Variants in IRF1 observed in about 807,000 individuals in gnomAD.
The protein encoded by IRF1 is interferon regulatory factor-1.
In IRF1, 13 loss-of-function variants were observed where a neutral mutation model predicts 43.7. The observed-to-expected ratio is 0.30, with a 90% CI of 0.19 to 0.47. The LOEUF (loss-of-function observed/expected upper bound fraction) is 0.47, where lower values mean the gene tolerates loss of function less well. Among genes scored for constraint, IRF1 ranks in the 20% least tolerant of loss-of-function variants. The pLI, the probability that IRF1 is intolerant of heterozygous loss-of-function variation, is 0.99. For synonymous variants in IRF1, 138 were observed against 146.8 expected (o/e 0.94, Z 0.43); for missense variants, 236 against 408.9 (o/e 0.58, Z 3.65).
Position 132,481,666 on chromosome 5 carries a change from G to A in IRF1, c.*2285C>T, listed in dbSNP as rs903979828. On this transcript the variant is annotated 3_prime_UTR_variant, in exon 10 of 10. Coordinates refer to ENST00000245414, the MANE Select transcript of IRF1 (RefSeq NM_002198.3). ...TAAAAGTTCAATTCCTTATTGCACT[G>A]GCCACATTTCAAGTGCTTAGCTGGC... 20 of 152,222 alleles carry A rather than the reference G, an allele frequency of 1.3e-4. No individual in the cohort carries two copies. Among genetic ancestry groups the A allele is most frequent in the African/African-American group, 4.8e-4 (20 of 41,446 alleles). 9.4% of individuals were successfully genotyped at this position (152,222 alleles called of 1,614,324 possible). A position where few individuals can be genotyped will look rare whatever the true frequency, so the allele number is the denominator to read the frequency against.
Position 132,483,992 on chromosome 5 carries a change from C to A in IRF1, c.937G>T (p.Val313Phe), listed in dbSNP as rs1331705584. 1.2e-5 allele frequency: 20 copies of A among 1,613,764 alleles called. No homozygotes were observed. Among genetic ancestry groups the A allele is most frequent in the Non-Finnish European group, 1.6e-5 (19 of 1,180,010 alleles). ...ATWLDSLLTP[V>F]RLPSIQAIPC... ...ATGGCCTGGATGGAGGGCAACCGGACTGGGGTCAGCAGGCTGTCCAGCCAG... is the reference window on the plus strand; with the variant it reads ...ATGGCCTGGATGGAGGGCAACCGGAATGGGGTCAGCAGGCTGTCCAGCCAG... Residue 313 changes from valine to phenylalanine, a missense_variant, in exon 10 of 10, where the codon GTC becomes TTC. By Grantham distance (50) the Val-to-Phe change is conservative. Coordinates refer to ENST00000245414, the MANE Select transcript of IRF1 (RefSeq NM_002198.3).
At position 132,487,643 on chromosome 5, in the gene IRF1, C is replaced by G. The variant is rs1754571271; in HGVS notation, c.187+283G>C. 4 of 483,172 alleles carry G rather than the reference C, an allele frequency of 8.3e-6. 1 individual carries two copies. The South Asian group carries it at 9.1e-5, about 11-fold the overall frequency. 29.9% of individuals were successfully genotyped at this position (483,172 alleles called of 1,614,324 possible). ...GGGTCTCTTTCAGTGCCCTGGCTTACAGCTGCTTTTCACAGATGCTTTTGC... is the reference window on the plus strand; with the variant it reads ...GGGTCTCTTTCAGTGCCCTGGCTTAGAGCTGCTTTTCACAGATGCTTTTGC... On this transcript the variant is annotated intron_variant, in intron 3 of 9. Transcript: ENST00000245414.
At chr5:132,487,764 C>G in intron 3 of IRF1, 162 bp downstream of exon 3, 1 of 603,310 alleles carries the variant, frequency 1.7e-6, no homozygotes, top group Non-Finnish European at 3.0e-6. Flanking sequence ...ATGATCGACT[C>G]TCTTCTCCAG....
intron 3 of IRF1, 188 bp downstream of exon 3, chr5:132,487,738 T>G: frequency 5.1e-6 from 3 of 583,824 alleles, no homozygotes; most frequent in East Asian, 2.9e-5. Context: ...GCTTTTCCCT[T>G]TGAGAATTTG....
At chr5:132,484,270 CGCCCTGCTCCCTG>C in intron 9 of IRF1, 79 bp downstream of exon 9, 3 of 1,549,690 alleles carry the variant, frequency 1.9e-6, no homozygotes, top group Admixed American at 1.8e-5. Context: ...GATGCTTTAC[CGCCCTGCTCCCTG>C]GCCCTGCCCC....
Position 132,486,851 on chromosome 5 carries a change from G to T in IRF1, c.365-7C>A. 2 of 1,614,152 alleles carry T rather than the reference G, an allele frequency of 1.2e-6. No homozygotes were observed. The highest frequency in any genetic ancestry group is 1.7e-6 in the Non-Finnish European group (2 of 1,180,030). Reference sequence around the variant, plus strand: ...CTGGACTTCGACTTTCTTTCTGTGGGGCAGACGGGCTGTCAGCCTTGGTGC... The same window carrying T: ...CTGGACTTCGACTTTCTTTCTGTGGTGCAGACGGGCTGTCAGCCTTGGTGC... On this transcript the variant is annotated splice_region_variant and splice_polypyrimidine_tract_variant and intron_variant, in intron 4 of 9. Transcript: ENST00000245414.
At chr5:132,487,728 G>C (rs1754574008) in intron 3 of IRF1, 198 bp downstream of exon 3, 1 of 581,854 alleles carries the variant, frequency 1.7e-6, no homozygotes, top group Non-Finnish European at 3.1e-6. Context: ...TAAGATCTTG[G>C]CTTTTCCCTT....
chr5:132,486,735 T>C (rs1754539212), intron 5 of IRF1, 49 bp from the exon 6 acceptor site: 1 of 1,614,042 alleles, frequency 6.2e-7, no homozygotes, highest in African/African-American at 1.3e-5. Context: ...TAGCATTTCT[T>C]CCACTGCTCA....
At chr5:132,488,116 AC>A in intron 2 of IRF1, 91 bp from the exon 3 acceptor site, 1 of 955,592 alleles carries the variant, frequency 1.0e-6, no homozygotes. Flanking sequence ...GCCCAGCCAG[AC>A]AGGTCTGAGA....
Position 132,490,616 on chromosome 5 carries a change from CG to C in IRF1, c.-78del, listed in dbSNP as rs1754694536. The C allele has an allele frequency of 6.6e-6, 1 of 152,334 alleles. No homozygotes were observed. The highest frequency in any genetic ancestry group is 2.4e-5 in the African/African-American group (1 of 41,454). 9.4% of individuals were successfully genotyped at this position (152,334 alleles called of 1,614,324 possible). On this transcript the variant is annotated 5_prime_UTR_variant, in exon 1 of 10. Coordinates refer to ENST00000245414, the MANE Select transcript of IRF1 (RefSeq NM_002198.3). The surrounding 1 kb of genome is among the most constrained non-coding windows in gnomAD (Gnocchi z 5.8). ...ACGCAGGGGCTGCAGTGAGGGCGCG[CG>C]GAGCGCGACTCCGAGTGGAAGAGGG...
intron 5 of IRF1, 22 bp from the exon 6 acceptor site, chr5:132,486,708 T>A: frequency 6.2e-7 from 1 of 1,613,966 alleles, no homozygotes; most frequent in Non-Finnish European, 8.5e-7. Flanking sequence ...GAAAGCAGCT[T>A]AGGCCCAGGC....
rs749031704 is a variant in IRF1 at position 132,487,147 on chromosome 5, A to G, written c.188-17T>C. The G allele has an allele frequency of 1.2e-6, 2 of 1,611,458 alleles. No individual in the cohort carries two copies. The highest frequency in any genetic ancestry group is 3.3e-5 in the Admixed American group (2 of 59,958). ...TGTATCGGCCTAGAGGGCAGGAGAA[A>G]AAAGAGGATCGTCAGGGCCATGGGT... On this transcript the variant is annotated splice_polypyrimidine_tract_variant and intron_variant, in intron 3 of 9. Transcript: ENST00000245414.
chr5:132,488,084 G>T, intron 2 of IRF1, 59 bp from the exon 3 acceptor site: 3 of 1,349,074 alleles, frequency 2.2e-6, no homozygotes, highest in Non-Finnish European at 3.2e-6. Context: ...AGACTTTGGG[G>T]CTGAGTCTGA....
chr5:132,489,836 A>C (rs1037888229), intron 1 of IRF1, among the ~76,000 whole-genome samples: 3 of 152,116 alleles, frequency 2.0e-5, no homozygotes, highest in Non-Finnish European at 2.9e-5. Flanking sequence ...GAAGGGAGGG[A>C]CTTCTTTTGC....
chr5:132,487,293 A>G lies in IRF1; in HGVS notation c.188-163T>C, dbSNP rs973330968. ...CTCCCGGTGACACTCTGCAGGTCCT[A>G]GGCCCTGGGCCTTCTCAAATGCCCA... is the stretch of plus-strand genomic sequence containing the variant. On this transcript the variant is annotated intron_variant, in intron 3 of 9. Coordinates refer to ENST00000245414, the MANE Select transcript of IRF1 (RefSeq NM_002198.3). 5 of 702,906 alleles carry G rather than the reference A, an allele frequency of 7.1e-6. No individual in the cohort carries two copies. In the African/African-American group the frequency reaches 8.9e-5, roughly 12 times the overall value. The allele number at this position is 702,906 out of a possible 1,614,324, so 43.5% of individuals were successfully genotyped here. A position where few individuals can be genotyped will look rare whatever the true frequency, so the allele number is the denominator to read the frequency against.
chr5:132,489,547 C>T (rs1223034201), intron 1 of IRF1, 64 bp from the exon 2 acceptor site: 4 of 1,338,210 alleles, frequency 3.0e-6, no homozygotes, highest in Non-Finnish European at 4.3e-6. Flanking sequence ...CAGTGACCTG[C>T]CCCACCCGAG....
chr5:132,489,034 C>A (rs1754629206), intron 2 of IRF1: 1 of 219,048 alleles, frequency 4.6e-6, no homozygotes, highest in South Asian at 7.0e-5. Context: ...TGCCCAGCAG[C>A]ATCCACTTCT....
chr5:132,489,117 G>A, intron 2 of IRF1: 3 of 391,360 alleles, frequency 7.7e-6, no homozygotes, highest in South Asian at 2.4e-5. Flanking sequence ...TTAGAGGAGA[G>A]CAGAACTCCA....
In IRF1 at chr5:132,486,562, G is replaced by A. The variant is rs1754533691; in HGVS notation, c.539C>T (p.Thr180Ile). 1 of 1,614,046 alleles carries A rather than the reference G, an allele frequency of 6.2e-7. No individual in the cohort carries two copies. The highest frequency in any genetic ancestry group is 1.6e-4 in the Middle Eastern group (1 of 6,062). ...CCAGACCTGGACCAGCTCACCTGGA[G>A]TCAGGGCCTGCTCCACCTCCAAGTC... ...MQDLEVEQAL[T>I]PALSPCAVSS... The change falls in exon 6 of 10, where the codon ACT (threonine) becomes ATT (isoleucine). Residue 180 changes from threonine to isoleucine, a missense_variant. Coordinates refer to ENST00000245414, the MANE Select transcript of IRF1 (RefSeq NM_002198.3).
Sources: gnomAD v4.1 joint callset for allele counts (sites outside exome capture counted in the v4.1 genomes callset) on GRCh38, gnomAD v4.1.1 for gene constraint, Gnocchi (gnomAD v3.1) non-coding constraint, MANE v1.5 for transcripts, NCBI Gene and HGNC (gene_info 2026-07-23, HGNC 2026-07-21) for gene names.